The following SQLE variants were observed in gnomAD, a reference collection of about 807,000 sequenced individuals.
SQLE encodes the protein squalene epoxidase, also known as squalene monooxygenase.
In SQLE, 29 loss-of-function variants were observed where a neutral mutation model predicts 60.7. The observed-to-expected ratio is 0.48, with a 90% CI of 0.36 to 0.65. The LOEUF (loss-of-function observed/expected upper bound fraction) is 0.65, where lower values mean the gene tolerates loss of function less well. SQLE is among the 30% of genes least tolerant of loss of function. The pLI is 0.00. For missense variants in SQLE, 605 were observed against 684.1 expected (o/e 0.88, Z 1.29); for synonymous variants, 237 against 246.8 (o/e 0.96, Z 0.37).
chr8:125,012,012 A>G lies in SQLE; in HGVS notation c.1204+380A>G, dbSNP rs1425991655. ...GTAGTTAGGGAGGACGTTGTTCAGGAAACAGTGGAAACAAAGGACCTTGGA... is the reference window on the plus strand; with the variant it reads ...GTAGTTAGGGAGGACGTTGTTCAGGGAACAGTGGAAACAAAGGACCTTGGA... On this transcript the variant is annotated intron_variant, in intron 7 of 10. Transcript: ENST00000265896. Among the ~76,000 whole-genome samples the G allele has an allele frequency of 2.0e-5, 3 of 151,718 alleles. 1 individual carries two copies. The highest frequency in any genetic ancestry group is 2.0e-4 in the Admixed American group (3 of 15,218).
In SQLE at chr8:125,016,318, G is replaced by C. The variant is rs941545192; in HGVS notation, c.1205-1741G>C. The stretch of plus-strand genomic sequence containing the variant: ...TATTCTTTTTTCTTTTGTCTCCTCT[G>C]TGTATTTTCAAATAGCCTGTTTTCA... On this transcript the variant is annotated intron_variant, in intron 7 of 10. Transcript: ENST00000265896. The surrounding 1 kb of genome is among the most constrained non-coding windows in gnomAD (Gnocchi z 4.1). 6.6e-6 allele frequency among the ~76,000 whole-genome samples: 1 copy of C among 151,820 alleles called. No individual in the cohort carries two copies. Among genetic ancestry groups the C allele is most frequent in the Non-Finnish European group, 1.5e-5 (1 of 67,972 alleles).
At chr8:125,007,300 T>C (rs1275051819) in intron 3 of SQLE, 91 bp from the exon 4 acceptor site, 3 of 929,488 alleles carry the variant, frequency 3.2e-6, no homozygotes, top group Non-Finnish European at 4.7e-6. Flanking sequence ...CATGTCCAGT[T>C]TATATGGATA....
rs1814953287 is a variant in SQLE at position 125,006,678 on chromosome 8, A to G, written c.726-713A>G. On this transcript the variant is annotated intron_variant, in intron 3 of 10. Coordinates refer to ENST00000265896, the MANE Select transcript of SQLE (RefSeq NM_003129.4). ...CCCAAATATAAAGATTATAAAAATT[A>G]CCTGTGATCTTTCTGACTAGAAATA... is the stretch of plus-strand genomic sequence containing the variant. Among the ~76,000 whole-genome samples, 8 of 150,980 alleles carry G rather than the reference A, an allele frequency of 5.3e-5. No individual in the cohort carries two copies. The South Asian group carries it at 1.7e-3, about 32-fold the overall frequency.
intron 7 of SQLE, among the ~76,000 whole-genome samples, chr8:125,013,554 T>C (rs1238759674): frequency 6.6e-6 from 1 of 152,068 alleles, no homozygotes; most frequent in East Asian, 1.9e-4. Context: ...GGTTTCGCCA[T>C]GTTGGCCAGG....
At chr8:125,017,522 T>C (rs553558502) in intron 7 of SQLE, among the ~76,000 whole-genome samples, 8 of 151,910 alleles carry the variant, frequency 5.3e-5, no homozygotes, top group Middle Eastern at 3.4e-3. Flanking sequence ...TACAATGGGC[T>C]CCCCTCTCAC....
intron 9 of SQLE, 103 bp from the exon 10 acceptor site, chr8:125,020,681 T>C (rs1815188741): frequency 5.7e-6 from 4 of 699,352 alleles, no homozygotes; most frequent in Non-Finnish European, 9.9e-6. Context: ...TTAAAAATTA[T>C]CTGCAAGATG....
At position 124,999,300 on chromosome 8, in the gene SQLE, G is replaced by C; in HGVS notation, c.-104G>C. On this transcript the variant is annotated 5_prime_UTR_variant, in exon 1 of 11. Coordinates refer to ENST00000265896, the MANE Select transcript of SQLE (RefSeq NM_003129.4). ...GGACACTGTTTACTGGAGTCTGGCC[G>C]GCTCTCCGTGCTCCTCTTGGTACCT... 1 of 1,164,578 alleles carries C rather than the reference G, an allele frequency of 8.6e-7. No homozygotes were observed. The highest frequency in any genetic ancestry group is 1.1e-6 in the Non-Finnish European group (1 of 889,622). 72.1% of individuals were successfully genotyped at this position (1,164,578 alleles called of 1,614,324 possible).
rs370591637 is a variant in SQLE, at chr8:125,009,261, T to G, written c.1026T>G (p.Thr342=). ...VLIYQISSSE[T]RVLVDIRGEM... is the part of the protein sequence containing the mutation. ...TCTACCAGATTTCATCCAGTGAAAC[T>G]CGAGTACTTGTTGACATTAGAGGAG... Residue 342 remains threonine, a synonymous_variant, in exon 6 of 11, where the codon ACT becomes ACG. Transcript: ENST00000265896. 296 of 1,613,908 alleles carry G rather than the reference T, an allele frequency of 1.8e-4. No homozygotes were observed. Among genetic ancestry groups the G allele is most frequent in the Non-Finnish European group, 2.3e-4 (272 of 1,179,888 alleles).
chr8:125,011,125 G>C (rs1455104999), intron 6 of SQLE: 2 of 153,352 alleles, frequency 1.3e-5, no homozygotes, highest in Admixed American at 6.5e-5. Context: ...ATACCCTCCT[G>C]CTGTTTGTGA....
chr8:125,001,916 A>T (rs998129416), intron 1 of SQLE, among the ~76,000 whole-genome samples: 8 of 152,190 alleles, frequency 5.3e-5, no homozygotes, highest in Non-Finnish European at 1.2e-4. Flanking sequence ...AAATGTGTGA[A>T]TCCATCTACC....
In SQLE at chr8:125,021,879, A is replaced by G; in HGVS notation, c.1659A>G (p.Val553=). ...KPRALLSSGA[V]LYKACSVIFP... ...GAGCCCTTCTCAGTAGTGGTGCTGTATTGTACAAAGCGTGTTCTGTAATAT... is the reference window on the plus strand; with the variant it reads ...GAGCCCTTCTCAGTAGTGGTGCTGTGTTGTACAAAGCGTGTTCTGTAATAT... Residue 553 remains valine (V), a synonymous_variant, in exon 11 of 11, where the codon GTA becomes GTG. Coordinates refer to ENST00000265896, the MANE Select transcript of SQLE (RefSeq NM_003129.4). 6.2e-7 allele frequency: 1 copy of G among 1,611,016 alleles called. No homozygotes were observed. Among genetic ancestry groups the G allele is most frequent in the Non-Finnish European group, 8.5e-7 (1 of 1,178,288 alleles).
intron 7 of SQLE, among the ~76,000 whole-genome samples, chr8:125,014,194 C>T (rs529497598): frequency 1.4e-4 from 21 of 151,960 alleles, no homozygotes; most frequent in Middle Eastern, 6.8e-3. Flanking sequence ...ATGTAAAAAA[C>T]GTGATGATTT....
intron 1 of SQLE, among the ~76,000 whole-genome samples, chr8:125,000,784 G>A (rs1259022890): frequency 2.0e-5 from 3 of 152,178 alleles, no homozygotes; most frequent in African/African-American, 7.2e-5. Context: ...GAACATTGCA[G>A]TTGCTGTATG....
intron 9 of SQLE, 57 bp from the exon 10 acceptor site, chr8:125,020,727 A>G: frequency 9.2e-7 from 1 of 1,082,058 alleles, no homozygotes; most frequent in Non-Finnish European, 1.4e-6. Context: ...CTGATATATC[A>G]TTAGCATCCT....
In SQLE at chr8:125,005,574, T is replaced by C. The variant is rs1814934293; in HGVS notation, c.594T>C (p.His198=). The C allele has an allele frequency of 6.2e-6, 10 of 1,611,592 alleles. No homozygotes were observed. Among genetic ancestry groups the C allele is most frequent in the Non-Finnish European group, 8.5e-6 (10 of 1,178,432 alleles). Residue 198 remains histidine, a synonymous_variant, in exon 3 of 11, where the codon CAT becomes CAC. Coordinates refer to ENST00000265896, the MANE Select transcript of SQLE (RefSeq NM_003129.4). ...DAQVVNGYMI[H]DQESKSEVQI... is the part of the protein sequence containing the mutation. ...AGGTTGTAAATGGTTACATGATTCATGATCAGGAAAGCAAATCAGAGGTTC... is the reference window on the plus strand; with the variant it reads ...AGGTTGTAAATGGTTACATGATTCACGATCAGGAAAGCAAATCAGAGGTTC...
Position 125,008,973 on chromosome 8 carries a change from A to G in SQLE, c.825A>G (p.Glu275=). ...AGTAGTCTTCATTTCTGTTATAGGAACTCCATGCTCCACTGACTGTTGTTG... is the reference window on the plus strand; with the variant it reads ...AGTAGTCTTCATTTCTGTTATAGGAGCTCCATGCTCCACTGACTGTTGTTG... ...YKDKETGDIK[E]LHAPLTVVAD... Residue 275 remains glutamate (E), a splice_region_variant and synonymous_variant, in exon 5 of 11, where the codon GAA becomes GAG. Transcript: ENST00000265896. 6.4e-7 allele frequency: 1 copy of G among 1,558,810 alleles called. No homozygotes were observed. Among genetic ancestry groups the G allele is most frequent in the East Asian group, 2.3e-5 (1 of 44,340 alleles).
chr8:125,009,271 G>A lies in SQLE; in HGVS notation c.1036G>A (p.Val346Ile), dbSNP rs1815004329. 6.2e-7 allele frequency: 1 copy of A among 1,613,864 alleles called. No individual in the cohort carries two copies. The highest frequency in any genetic ancestry group is 8.5e-7 in the Non-Finnish European group (1 of 1,179,870). The change falls in exon 6 of 11, where the codon GTT becomes ATT. Residue 346 changes from valine to isoleucine, a missense_variant. Transcript: ENST00000265896. ...TTCATCCAGTGAAACTCGAGTACTTGTTGACATTAGAGGAGAAATGCCAAG... is the reference window on the plus strand; with the variant it reads ...TTCATCCAGTGAAACTCGAGTACTTATTGACATTAGAGGAGAAATGCCAAG... The part of the protein sequence containing the change: ...QISSSETRVL[V>I]DIRGEMPRNL...
chr8:125,002,536 G>A (rs1295396268), intron 1 of SQLE, among the ~76,000 whole-genome samples: 1 of 152,076 alleles, frequency 6.6e-6, no homozygotes, highest in Non-Finnish European at 1.5e-5. Flanking sequence ...AATTAGCCGG[G>A]CATGGTTGCA....
intron 7 of SQLE, among the ~76,000 whole-genome samples, chr8:125,013,408 G>A (rs1369448284): frequency 7.0e-5 from 10 of 143,876 alleles, no homozygotes; most frequent in East Asian, 2.0e-4. Flanking sequence ...GCTGGAGTGC[G>A]ATGGTGCGAT....
Sources: gnomAD v4.1 joint callset for allele counts (sites outside exome capture counted in the v4.1 genomes callset) on GRCh38, gnomAD v4.1.1 for gene constraint, Gnocchi (gnomAD v3.1) non-coding constraint, MANE v1.5 for transcripts, NCBI Gene and HGNC (gene_info 2026-07-23, HGNC 2026-07-21) for gene names.